Variants in KCNQ1 observed in about 807,000 individuals in gnomAD.
KCNQ1 encodes potassium voltage-gated channel subfamily KQT member 1.
In KCNQ1, 49 loss-of-function variants were observed where a neutral mutation model predicts 72.4. That is an observed-to-expected ratio of 0.68 (90% CI 0.54 to 0.86). The LOEUF (loss-of-function observed/expected upper bound fraction) is 0.86, where lower values mean the gene tolerates loss of function less well. KCNQ1 is among the 40% of genes least tolerant of loss of function. The probability of loss-of-function intolerance (pLI) is 0.00; values close to 1 mark genes in which losing one functional copy is unlikely to be tolerated. For missense variants in KCNQ1, 790 were observed against 945.1 expected (o/e 0.84, Z 2.15); for synonymous variants, 450 against 412.6 (o/e 1.09, Z -1.10).
rs527428060 is a variant in KCNQ1, at chr11:2,522,355, C to T, written c.387-5573C>T. 2.4e-4 allele frequency among the ~76,000 whole-genome samples: 36 copies of T among 152,284 alleles called. No individual in the cohort carries two copies. In the South Asian group the frequency reaches 7.1e-3, roughly 30 times the overall value. On this transcript the variant is annotated intron_variant, in intron 1 of 15. Transcript: ENST00000155840. The stretch of plus-strand genomic sequence containing the variant: ...CCGAGTCCAAAACACGCATAGGATT[C>T]GTCCTCTCCCAGGGCCTTAGTTTCC...
intron 2 of KCNQ1, 104 bp downstream of exon 2, chr11:2,528,122 C>G (rs1847543997): frequency 5.1e-6 from 5 of 984,610 alleles, no homozygotes; most frequent in Non-Finnish European, 8.1e-6. Flanking sequence ...CACTCCCAGC[C>G]CCTTGCCCAC....
chr11:2,658,506 C>T lies in KCNQ1; in HGVS notation c.1394-3455C>T, dbSNP rs1397470927. 2 of 398,390 alleles carry T rather than the reference C, an allele frequency of 5.0e-6. No homozygotes were observed. Among genetic ancestry groups the T allele is most frequent in the Middle Eastern group, 6.2e-4 (1 of 1,612 alleles). The allele number at this position is 398,390 out of a possible 1,614,324, so 24.7% of individuals were successfully genotyped here. A position where few individuals can be genotyped will look rare whatever the true frequency, so the allele number is the denominator to read the frequency against. On this transcript the variant is annotated intron_variant, in intron 10 of 15. Transcript: ENST00000155840. The surrounding 1 kb of genome is among the most constrained non-coding windows in gnomAD (Gnocchi z 4.9). Reference sequence around the variant, plus strand: ...TTATTTTTAAGCATTTCTTTTCTAGCACTTGACAATACTTCAGGCTCATCT... The same window carrying T: ...TTATTTTTAAGCATTTCTTTTCTAGTACTTGACAATACTTCAGGCTCATCT...
rs1845911102 is a variant in KCNQ1 at position 2,734,019 on chromosome 11, T to C, written c.1515-34825T>C. ...CATCCTCCTCAGAGCAGTTGCGCGC[T>C]CTAAATCAGGACCACCTTGCGGTTC... is the stretch of plus-strand genomic sequence containing the variant. On this transcript the variant is annotated intron_variant, in intron 11 of 15. Coordinates refer to ENST00000155840, the MANE Select transcript of KCNQ1 (RefSeq NM_000218.3). This position sits in a 1 kb window ranked among gnomAD's most constrained non-coding sequence, Gnocchi z 7.0. Among the ~76,000 whole-genome samples the C allele has an allele frequency of 6.6e-6, 1 of 151,812 alleles. No homozygotes were observed. The highest frequency in any genetic ancestry group is 1.5e-5 in the Non-Finnish European group (1 of 67,972).
At position 2,818,964 on chromosome 11, in the gene KCNQ1, C is replaced by T. The variant is rs971309313; in HGVS notation, c.1795-28803C>T. ...CCCACCCTCCAGCATTACCCAGCCCCACAGGACCCACATCCTGCTCCCAGC... is the reference window on the plus strand; with the variant it reads ...CCCACCCTCCAGCATTACCCAGCCCTACAGGACCCACATCCTGCTCCCAGC... On this transcript the variant is annotated intron_variant, in intron 15 of 15. Transcript: ENST00000155840. The surrounding 1 kb of genome is among the most constrained non-coding windows in gnomAD (Gnocchi z 7.2). Among the ~76,000 whole-genome samples, 3 of 152,174 alleles carry T rather than the reference C, an allele frequency of 2.0e-5. No individual in the cohort carries two copies. The highest frequency in any genetic ancestry group is 7.2e-5 in the African/African-American group (3 of 41,446).
intron 2 of KCNQ1, among the ~76,000 whole-genome samples, chr11:2,551,241 C>A (rs546872867): frequency 1.5e-4 from 23 of 152,302 alleles, no homozygotes; most frequent in Admixed American, 3.3e-4. Flanking sequence ...TCCCATCACC[C>A]GAAAGCTCCC....
rs1226679414 is a variant in KCNQ1 at position 2,457,075 on chromosome 11, GCAAAT to G, written c.386+11596_386+11600del. ...GCTCATCACTGATCATCAGAGAAAT[GCAAAT>G]CAAAGTCACAATGAGATACCATCTC... On this transcript the variant is annotated intron_variant, in intron 1 of 15. Transcript: ENST00000155840. The surrounding 1 kb of genome is among the most constrained non-coding windows in gnomAD (Gnocchi z 5.0). Among the ~76,000 whole-genome samples, 1 of 152,054 alleles carries G rather than the reference GCAAAT, an allele frequency of 6.6e-6. No homozygotes were observed. The highest frequency in any genetic ancestry group is 1.5e-5 in the Non-Finnish European group (1 of 68,010).
chr11:2,612,262 T>A lies in KCNQ1; in HGVS notation c.1393+23408T>A. The A allele has an allele frequency of 2.5e-6, 1 of 398,642 alleles. No individual in the cohort carries two copies. The highest frequency in any genetic ancestry group is 4.4e-6 in the Non-Finnish European group (1 of 226,064). The allele number at this position is 398,642 out of a possible 1,614,324, so 24.7% of individuals were successfully genotyped here. A position where few individuals can be genotyped will look rare whatever the true frequency, so the allele number is the denominator to read the frequency against. On this transcript the variant is annotated intron_variant, in intron 10 of 15. Transcript: ENST00000155840. The surrounding 1 kb of genome is among the most constrained non-coding windows in gnomAD (Gnocchi z 5.5). ...GATTCTCACAGAGAGCAAATCCTATTGTGAACTGAGCATGTGAGGGATCTA... is the reference window on the plus strand; with the variant it reads ...GATTCTCACAGAGAGCAAATCCTATAGTGAACTGAGCATGTGAGGGATCTA...
At position 2,750,935 on chromosome 11, in the gene KCNQ1, A is replaced by G. The variant is rs1324881330; in HGVS notation, c.1515-17909A>G. 2.6e-5 allele frequency among the ~76,000 whole-genome samples: 4 copies of G among 151,890 alleles called. No individual in the cohort carries two copies. Among genetic ancestry groups the G allele is most frequent in the Non-Finnish European group, 5.9e-5 (4 of 67,966 alleles). The stretch of plus-strand genomic sequence containing the variant: ...TCCCCAGCTGCCTGCCTACACCCCA[A>G]CCTCGAGGCTCTTTACCTCTGTCTG... On this transcript the variant is annotated intron_variant, in intron 11 of 15. Coordinates refer to ENST00000155840, the MANE Select transcript of KCNQ1 (RefSeq NM_000218.3). This position sits in a 1 kb window ranked among gnomAD's most constrained non-coding sequence, Gnocchi z 6.3.
rs915283074 is a variant in KCNQ1 at position 2,445,200 on chromosome 11, C to A, written c.102C>A (p.Cys34Ter). 4 of 1,147,100 alleles carry A rather than the reference C, an allele frequency of 3.5e-6. No homozygotes were observed. Among genetic ancestry groups the A allele is most frequent in the South Asian group, 2.8e-5 (1 of 35,338 alleles). 71.1% of individuals were successfully genotyped at this position (1,147,100 alleles called of 1,614,324 possible). ...RRGSAGLAKK[C>*]PFSLELAEGG... is the part of the protein sequence containing the mutation. Reference sequence around the variant, plus strand: ...GCAGCGCGGGCCTGGCCAAGAAGTGCCCCTTCTCGCTGGAGCTGGCGGAGG... The same window carrying A: ...GCAGCGCGGGCCTGGCCAAGAAGTGACCCTTCTCGCTGGAGCTGGCGGAGG... The change falls in exon 1 of 16, where the codon TGC (cysteine) becomes TGA (stop). Residue 34 changes from cysteine to a stop codon, truncating the protein, a stop_gained. Coordinates refer to ENST00000155840, the MANE Select transcript of KCNQ1 (RefSeq NM_000218.3). LOFTEE classifies it high-confidence loss of function.
At chr11:2,649,208 A>G (rs1849719334) in intron 10 of KCNQ1, 1 of 398,056 alleles carries the variant, frequency 2.5e-6, no homozygotes, top group African/African-American at 2.1e-5. Flanking sequence ...AATTACCTAC[A>G]TTCAAGATTG....
In KCNQ1 at chr11:2,805,069, G is replaced by A. The variant is rs577023878; in HGVS notation, c.1794+27032G>A. The stretch of plus-strand genomic sequence containing the variant: ...CCAGGAAGAGTGTCTGGCCATCCCG[G>A]GCCTGAGTTTCTGCCCATGGGCAGC... On this transcript the variant is annotated intron_variant, in intron 15 of 15. Coordinates refer to ENST00000155840, the MANE Select transcript of KCNQ1 (RefSeq NM_000218.3). Among the ~76,000 whole-genome samples, 3 of 151,916 alleles carry A rather than the reference G, an allele frequency of 2.0e-5. No homozygotes were observed. In the East Asian group the frequency reaches 5.8e-4, roughly 29 times the overall value.
chr11:2,658,697 T>A lies in KCNQ1; in HGVS notation c.1394-3264T>A, dbSNP rs1010743879. 1 of 398,474 alleles carries A rather than the reference T, an allele frequency of 2.5e-6. No homozygotes were observed. The highest frequency in any genetic ancestry group is 2.1e-5 in the African/African-American group (1 of 48,608). 24.7% of individuals were successfully genotyped at this position (398,474 alleles called of 1,614,324 possible). On this transcript the variant is annotated intron_variant, in intron 10 of 15. Transcript: ENST00000155840. The surrounding 1 kb of genome is among the most constrained non-coding windows in gnomAD (Gnocchi z 4.9). Reference sequence around the variant, plus strand: ...TGGACAGAGCTAGGAAATATATGTATGTATGTAACCTGAGTACACATACAT... The same window carrying A: ...TGGACAGAGCTAGGAAATATATGTAAGTATGTAACCTGAGTACACATACAT...
At chr11:2,641,408 T>A (rs1849575175) in intron 10 of KCNQ1, 1 of 398,302 alleles carries the variant, frequency 2.5e-6, no homozygotes, top group South Asian at 1.3e-4. Context: ...TTTTTTTAAA[T>A]ATACCTGTTG....
intron 1 of KCNQ1, among the ~76,000 whole-genome samples, chr11:2,520,591 C>A (rs1195863211): frequency 6.6e-6 from 1 of 152,164 alleles, no homozygotes; most frequent in Non-Finnish European, 1.5e-5. Flanking sequence ...ACAGCCCTGG[C>A]AGGCTGTGAG....
chr11:2,600,833 C>T lies in KCNQ1; in HGVS notation c.1393+11979C>T, dbSNP rs1848794801. On this transcript the variant is annotated intron_variant, in intron 10 of 15. Coordinates refer to ENST00000155840, the MANE Select transcript of KCNQ1 (RefSeq NM_000218.3). The surrounding 1 kb of genome is among the most constrained non-coding windows in gnomAD (Gnocchi z 5.6). ...ATATTTTTTAAAGATACAGTCCTGC[C>T]ACTTCTTGGGGGAGTCTGATGTTTC... Among the ~76,000 whole-genome samples the T allele has an allele frequency of 6.6e-6, 1 of 152,058 alleles. No homozygotes were observed. Among genetic ancestry groups the T allele is most frequent in the Non-Finnish European group, 1.5e-5 (1 of 68,020 alleles).
In KCNQ1 at chr11:2,753,882, G is replaced by GT. The variant is rs201545201; in HGVS notation, c.1515-14954dup. Among the ~76,000 whole-genome samples the GT allele has an allele frequency of 7.1e-3, 1,073 of 151,928 alleles. 9 individuals carry two copies. Among genetic ancestry groups the GT allele is most frequent in the African/African-American group, 0.024 (991 of 41,442 alleles). ...CAAGGAACTGAGACATCTGTGGCTG[G>GT]TTTTTTTTGTTGTTGTTGTTTTTCC... On this transcript the variant is annotated intron_variant, in intron 11 of 15. Coordinates refer to ENST00000155840, the MANE Select transcript of KCNQ1 (RefSeq NM_000218.3).
At chr11:2,605,172 T>G (rs1344240542) in intron 10 of KCNQ1, among the ~76,000 whole-genome samples, 1 of 152,196 alleles carries the variant, frequency 6.6e-6, no homozygotes, top group African/African-American at 2.4e-5. Context: ...AAGGAGTTAT[T>G]TATATATCCA....
chr11:2,609,421 G>C, intron 10 of KCNQ1: 2 of 398,296 alleles, frequency 5.0e-6, no homozygotes, highest in South Asian at 2.5e-4. Context: ...ATTTATGCAG[G>C]TTTGTTTCGT....
rs1254411668 is a variant in KCNQ1 at position 2,559,812 on chromosome 11, G to A, written c.478-10816G>A. On this transcript the variant is annotated intron_variant, in intron 2 of 15. Transcript: ENST00000155840. The surrounding 1 kb of genome is among the most constrained non-coding windows in gnomAD (Gnocchi z 4.9). ...AGCTGTGGGAAGGCCTGTGGCTAGG[G>A]CTCTGCTGCCTGCTTCCTGGGCAGG... Among the ~76,000 whole-genome samples the A allele has an allele frequency of 6.6e-6, 1 of 152,116 alleles. No homozygotes were observed. Among genetic ancestry groups the A allele is most frequent in the Non-Finnish European group, 1.5e-5 (1 of 68,000 alleles).
Sources: allele counts gnomAD v4.1 joint callset (sites outside exome capture counted in the v4.1 genomes callset), GRCh38; gene constraint gnomAD v4.1.1; non-coding constraint Gnocchi (gnomAD v3.1); transcripts MANE v1.5; gene names NCBI Gene and HGNC (gene_info 2026-07-23, HGNC 2026-07-21).